Variants in SMOC1 observed in about 807,000 individuals in gnomAD.
The protein encoded by SMOC1 is SPARC related modular calcium binding 1.
Under a neutral mutation model 56.3 loss-of-function variants are expected in SMOC1, and 22 were observed. That is an observed-to-expected ratio of 0.39 (90% CI 0.28 to 0.56). The LOEUF (loss-of-function observed/expected upper bound fraction) is 0.56, where lower values mean the gene tolerates loss of function less well. Among genes scored for constraint, SMOC1 ranks in the 20% least tolerant of loss-of-function variants. The pLI is 0.61. For synonymous variants in SMOC1, 193 were observed against 215.0 expected, an observed-to-expected ratio of 0.90 and a Z score of 0.89; for missense variants, 509 against 565.4, an observed-to-expected ratio of 0.90 and a Z score of 1.01.
intron 3 of SMOC1, among the ~76,000 whole-genome samples, chr14:69,969,667 G>A (rs1883691916): frequency 6.6e-6 from 1 of 152,196 alleles, no homozygotes; most frequent in South Asian, 2.1e-4. Context: ...CATCCAAACT[G>A]TATCAGTCCC....
At chr14:69,969,348 T>C (rs776937914) in intron 3 of SMOC1, among the ~76,000 whole-genome samples, 21 of 152,136 alleles carry the variant, frequency 1.4e-4, no homozygotes, top group Non-Finnish European at 2.8e-4. Context: ...ACAGGAAGCA[T>C]GATGCTGGCA....
chr14:69,952,269 G>A lies in SMOC1; in HGVS notation c.231G>A (p.Pro77=), dbSNP rs752850206. ...ACCAGCGAGCCAAGTGCCGAGACCC[G>A]ACCCTGGGCGTGGTGCATCGAGGTA... ...CEYQRAKCRD[P]TLGVVHRGRC... The change falls in exon 2 of 12, where the codon CCG becomes CCA. Residue 77 remains proline, a synonymous_variant. Coordinates refer to ENST00000361956, the MANE Select transcript of SMOC1 (RefSeq NM_001034852.3). 74 of 1,614,032 alleles carry A rather than the reference G, an allele frequency of 4.6e-5. No homozygotes were observed. The highest frequency in any genetic ancestry group is 1.6e-4 in the Middle Eastern group (1 of 6,084).
At chr14:69,883,968 G>A (rs1160124361) in intron 1 of SMOC1, among the ~76,000 whole-genome samples, 6 of 136,948 alleles carry the variant, frequency 4.4e-5, no homozygotes, top group South Asian at 2.5e-4. Flanking sequence ...CTGCAGTGGC[G>A]CAATCTTGGC....
chr14:69,903,747 C>T (rs1240275543), intron 1 of SMOC1, among the ~76,000 whole-genome samples: 1 of 152,064 alleles, frequency 6.6e-6, no homozygotes, highest in African/African-American at 2.4e-5. Flanking sequence ...CCTCAAGTAC[C>T]CAGGGACACA....
At position 69,885,517 on chromosome 14, in the gene SMOC1, G is replaced by T. The variant is rs1476870209; in HGVS notation, c.99+5740G>T. 5 of 1,599,096 alleles carry T rather than the reference G, an allele frequency of 3.1e-6. No homozygotes were observed. In the East Asian group the frequency reaches 1.1e-4, roughly 36 times the overall value. On this transcript the variant is annotated intron_variant, in intron 1 of 11. Transcript: ENST00000361956. ...TAGCCAAAGCGCCTTTGTCTTCTGAGTTCACCTGTGTGAAGGCGACAGTGG... is the reference window on the plus strand; with the variant it reads ...TAGCCAAAGCGCCTTTGTCTTCTGATTTCACCTGTGTGAAGGCGACAGTGG...
chr14:69,916,365 G>T (rs61980629), intron 1 of SMOC1, among the ~76,000 whole-genome samples: 1 of 152,216 alleles, frequency 6.6e-6, no homozygotes, highest in Non-Finnish European at 1.5e-5. Flanking sequence ...CAGGATAACT[G>T]CAGTAGTTGC....
chr14:69,892,975 C>T (rs1884004512), intron 1 of SMOC1, among the ~76,000 whole-genome samples: 2 of 152,190 alleles, frequency 1.3e-5, no homozygotes, highest in African/African-American at 4.8e-5. Flanking sequence ...TCCTAAGTCT[C>T]TTTTAATCTA....
chr14:70,003,358 C>T (rs988126330), intron 7 of SMOC1, among the ~76,000 whole-genome samples: 3 of 152,062 alleles, frequency 2.0e-5, no homozygotes, highest in Admixed American at 2.0e-4. Flanking sequence ...TTGATTTTTC[C>T]CCCAAGAAAA....
chr14:70,023,576 A>G, intron 11 of SMOC1, 129 bp downstream of exon 11: 2 of 1,326,526 alleles, frequency 1.5e-6, no homozygotes, highest in South Asian at 2.4e-5. Flanking sequence ...GAAGTGTGCT[A>G]TGCTTCATGC....
At chr14:69,932,789 G>C (rs751731848) in intron 1 of SMOC1, among the ~76,000 whole-genome samples, 3 of 152,078 alleles carry the variant, frequency 2.0e-5, no homozygotes, top group Admixed American at 2.0e-4. Context: ...TGGAGTGGGC[G>C]GGGGGTGCAG....
chr14:69,914,432 A>G (rs1018870764), intron 1 of SMOC1, among the ~76,000 whole-genome samples: 1 of 152,228 alleles, frequency 6.6e-6, no homozygotes, highest in Non-Finnish European at 1.5e-5. Flanking sequence ...CCATTTCCCC[A>G]CAGTAGTTTG....
chr14:69,960,237 G>A (rs1741333764), intron 3 of SMOC1, among the ~76,000 whole-genome samples: 1 of 152,132 alleles, frequency 6.6e-6, no homozygotes, highest in South Asian at 2.1e-4. Context: ...GGGCCTTTTT[G>A]TCTTCATGTG....
At chr14:69,880,688 C>T (rs148594960) in intron 1 of SMOC1, among the ~76,000 whole-genome samples, 2 of 152,326 alleles carry the variant, frequency 1.3e-5, no homozygotes, top group Non-Finnish European at 2.9e-5. Flanking sequence ...GGCCAAGCAT[C>T]AGTTTATGTC....
chr14:69,996,509 A>G (rs1011104561), intron 7 of SMOC1, among the ~76,000 whole-genome samples: 7 of 152,356 alleles, frequency 4.6e-5, no homozygotes, highest in Non-Finnish European at 1.0e-4. Flanking sequence ...GGTCAAAGTC[A>G]GTTGATAATC....
intron 5 of SMOC1, among the ~76,000 whole-genome samples, chr14:69,990,343 C>T (rs1470849790): frequency 1.3e-5 from 2 of 152,206 alleles, no homozygotes; most frequent in Non-Finnish European, 2.9e-5. Context: ...TTCATACCTA[C>T]ATTGAATATT....
Position 70,030,378 on chromosome 14 carries a change from C to A in SMOC1, c.*120C>A. ...CCCGTGTAACATAAGTGGTGCCCACCATGTTTGCACTTTTAATAACTCTTA... is the reference window on the plus strand; with the variant it reads ...CCCGTGTAACATAAGTGGTGCCCACAATGTTTGCACTTTTAATAACTCTTA... On this transcript the variant is annotated 3_prime_UTR_variant, in exon 12 of 12. Coordinates refer to ENST00000361956, the MANE Select transcript of SMOC1 (RefSeq NM_001034852.3). 7.8e-7 allele frequency: 1 copy of A among 1,276,958 alleles called. No individual in the cohort carries two copies. Among genetic ancestry groups the A allele is most frequent in the Non-Finnish European group, 1.1e-6 (1 of 901,476 alleles). 79.1% of individuals were successfully genotyped at this position (1,276,958 alleles called of 1,614,324 possible).
chr14:70,009,132 CAGT>C (rs1387776415), intron 7 of SMOC1, among the ~76,000 whole-genome samples: 2 of 152,316 alleles, frequency 1.3e-5, no homozygotes, highest in South Asian at 4.1e-4. Flanking sequence ...ATTATGAAAA[CAGT>C]AGTTTTTTTT....
chr14:69,903,288 G>C (rs1355372860), intron 1 of SMOC1, among the ~76,000 whole-genome samples: 1 of 152,000 alleles, frequency 6.6e-6, no homozygotes, highest in African/African-American at 2.4e-5. Flanking sequence ...TGGGAGGTGA[G>C]AAGCGTCTCT....
chr14:69,986,791 G>C (rs1884381384), intron 5 of SMOC1, among the ~76,000 whole-genome samples: 1 of 152,164 alleles, frequency 6.6e-6, no homozygotes, highest in Non-Finnish European at 1.5e-5. Context: ...CAAAAAGGCA[G>C]CTTTCAGCTT....
Sources: gnomAD v4.1 joint callset for allele counts (sites outside exome capture counted in the v4.1 genomes callset) on GRCh38, gnomAD v4.1.1 for gene constraint, MANE v1.5 for transcripts, NCBI Gene and HGNC (gene_info 2026-07-23, HGNC 2026-07-21) for gene names.